ERO1A: variants seen among roughly 807,000 people sequenced by gnomAD.
ERO1A encodes the protein endoplasmic reticulum oxidoreductase 1 alpha.
ERO1A carries 49 observed loss-of-function variants against 76.9 expected under a neutral mutation model. That is an observed-to-expected ratio of 0.64 (90% CI 0.51 to 0.81). The LOEUF is 0.81. Ranked by LOEUF, ERO1A falls within the 30% of genes least tolerant of loss-of-function variation. The pLI is 0.00. For synonymous variants in ERO1A, 174 were observed against 181.2 expected (o/e 0.96, Z 0.32); for missense variants, 448 against 542.1 (o/e 0.83, Z 1.72).
rs11624705 is a variant in ERO1A, at chr14:52,668,529, G to C, written c.509-2034C>G. ...CATTGCACTCCAGCCTGGGCAACGA[G>C]AATGAAACTCTGCCTCGGAAAAAAA... On this transcript the variant is annotated intron_variant, in intron 6 of 15. Transcript: ENST00000395686. 6.6e-3 allele frequency among the ~76,000 whole-genome samples: 1,000 copies of C among 151,448 alleles called. 6 individuals carry two copies. Among genetic ancestry groups the C allele is most frequent in the Non-Finnish European group, 0.011 (751 of 67,876 alleles).
Position 52,643,243 on chromosome 14 carries a change from C to T in ERO1A, c.*327G>A, listed in dbSNP as rs528333407. 2.0e-4 allele frequency: 33 copies of T among 165,862 alleles called. 1 individual carries two copies. In the South Asian group the frequency reaches 6.5e-3, roughly 33 times the overall value. The allele number at this position is 165,862 out of a possible 1,614,324, so 10.3% of individuals were successfully genotyped here. ...ATTTACCATAGTTTTATTTATATTA[C>T]ATATTATTACATAAAACGCTAGTTT... On this transcript the variant is annotated 3_prime_UTR_variant, in exon 16 of 16. Transcript: ENST00000395686.
chr14:52,671,896 G>A (rs772870605), intron 4 of ERO1A, 25 bp from the exon 5 acceptor site: 140 of 1,390,928 alleles, frequency 1.0e-4, no homozygotes, highest in Non-Finnish European at 1.4e-4. Context: ...GGAATAAATA[G>A]ATAATAACTT....
At chr14:52,678,401 A>T in intron 4 of ERO1A, 33 bp downstream of exon 4, 1 of 1,592,634 alleles carries the variant, frequency 6.3e-7, no homozygotes, top group Non-Finnish European at 8.6e-7. Flanking sequence ...TTTCATTAAG[A>T]TACTGGACAC....
chr14:52,695,448 G>A lies in ERO1A; in HGVS notation c.34C>T (p.Leu12=). The change falls in exon 1 of 16, where the codon CTG becomes TTG. Residue 12 remains leucine (L), a synonymous_variant. Coordinates refer to ENST00000395686, the MANE Select transcript of ERO1A (RefSeq NM_014584.3). ...GRGWGFLFGL[L]GAVWLLSSGH... is the part of the protein sequence containing the mutation. ...GAGCTGAGCAGCCACACGGCGCCCA[G>A]GAGGCCAAACAAGAATCCCCAGCCG... is the stretch of plus-strand genomic sequence containing the variant. 4 of 1,549,022 alleles carry A rather than the reference G, an allele frequency of 2.6e-6. No homozygotes were observed. The highest frequency in any genetic ancestry group is 3.5e-6 in the Non-Finnish European group (4 of 1,147,542).
At chr14:52,681,744 T>C (rs1239827876) in intron 3 of ERO1A, among the ~76,000 whole-genome samples, 2 of 152,224 alleles carry the variant, frequency 1.3e-5, no homozygotes, top group South Asian at 2.1e-4. Context: ...AATTCCTAAG[T>C]AAAACCAGGT....
At chr14:52,647,579 G>C (rs1594818579) in intron 13 of ERO1A, among the ~76,000 whole-genome samples, 1 of 151,816 alleles carries the variant, frequency 6.6e-6, no homozygotes, top group Non-Finnish European at 1.5e-5. Context: ...TAATACATAT[G>C]TATACATCCA....
intron 4 of ERO1A, among the ~76,000 whole-genome samples, chr14:52,677,647 T>G (rs72684272): frequency 0.14 from 21,073 of 150,750 alleles, 1,647 homozygotes; most frequent in South Asian, 0.26. Context: ...GGAGGATCAC[T>G]TGGTCAGGAG....
intron 1 of ERO1A, among the ~76,000 whole-genome samples, chr14:52,688,064 T>C (rs577173361): frequency 1.3e-5 from 2 of 152,108 alleles, no homozygotes; most frequent in South Asian, 4.2e-4. Flanking sequence ...TGCACATCTG[T>C]AGTCCCAGCC....
intron 8 of ERO1A, among the ~76,000 whole-genome samples, chr14:52,662,626 C>A (rs1170270947): frequency 6.6e-6 from 1 of 152,170 alleles, no homozygotes. Flanking sequence ...ACAAACCATT[C>A]TTCATATTAC....
chr14:52,671,768 A>C lies in ERO1A; in HGVS notation c.434+27T>G, dbSNP rs751545470. ...TTAATATGTAACATAAAGAAACATG[A>C]AATACTGCTGAAAAATAAAATCAAA... is the stretch of plus-strand genomic sequence containing the variant. On this transcript the variant is annotated intron_variant, in intron 5 of 15. Transcript: ENST00000395686. 3 of 1,592,074 alleles carry C rather than the reference A, an allele frequency of 1.9e-6. No individual in the cohort carries two copies. In the Admixed American group the frequency reaches 5.2e-5, roughly 27 times the overall value.
chr14:52,682,632 C>T (rs2041035963), intron 2 of ERO1A, among the ~76,000 whole-genome samples: 1 of 152,200 alleles, frequency 6.6e-6, no homozygotes, highest in South Asian at 2.1e-4. Context: ...GGCACAGTGG[C>T]TTATGCCTGT....
chr14:52,673,010 T>C (rs148321565), intron 4 of ERO1A, among the ~76,000 whole-genome samples: 125 of 152,242 alleles, frequency 8.2e-4, no homozygotes, highest in African/African-American at 2.9e-3. Context: ...ATTTGGACTT[T>C]CCTCATTTAA....
intron 1 of ERO1A, among the ~76,000 whole-genome samples, chr14:52,695,117 C>T (rs2041505634): frequency 1.3e-5 from 2 of 152,248 alleles, no homozygotes; most frequent in South Asian, 4.1e-4. Flanking sequence ...TAAACCCACT[C>T]AACCGCGTGC....
chr14:52,686,350 T>C (rs527297513), intron 1 of ERO1A, among the ~76,000 whole-genome samples: 1 of 152,332 alleles, frequency 6.6e-6, no homozygotes, highest in East Asian at 1.9e-4. Context: ...GTGTGCTCAG[T>C]GCCCCAGAGT....
intron 1 of ERO1A, among the ~76,000 whole-genome samples, chr14:52,686,952 C>A (rs1032058493): frequency 3.3e-5 from 5 of 152,032 alleles, no homozygotes; most frequent in Non-Finnish European, 5.9e-5. Flanking sequence ...GGTAGCAGGG[C>A]TGCTAAGGGA....
At chr14:52,684,087 T>C (rs1243882248) in intron 1 of ERO1A, among the ~76,000 whole-genome samples, 180 bp from the exon 2 acceptor site, 2 of 150,930 alleles carry the variant, frequency 1.3e-5, no homozygotes, top group Non-Finnish European at 2.9e-5. Flanking sequence ...TCTTGCTATA[T>C]ACCGAGGAAT....
intron 1 of ERO1A, among the ~76,000 whole-genome samples, chr14:52,694,107 G>A (rs750786124): frequency 2.6e-5 from 4 of 151,668 alleles, no homozygotes; most frequent in Non-Finnish European, 4.4e-5. Flanking sequence ...ATGTTACATT[G>A]GACATCTTCT....
chr14:52,658,150 T>G lies in ERO1A; in HGVS notation c.689A>C (p.Glu230Ala). The stretch of plus-strand genomic sequence containing the variant: ...TTCTAGCCAACTGTAAAAAGTGTTC[T>G]CTGAAATCAAAAGAAAAATAAGTCA... ...PLASGQGTSE[E>A]NTFYSWLEGL... The change falls in exon 10 of 16, where the codon GAG becomes GCG. Residue 230 changes from glutamate (E) to alanine (A), a missense_variant and splice_region_variant. This residue lies in a region of ERO1A where 302 missense variants were observed against 411.9 expected (regional missense o/e 0.73). Coordinates refer to ENST00000395686, the MANE Select transcript of ERO1A (RefSeq NM_014584.3). The G allele has an allele frequency of 6.7e-7, 1 of 1,495,522 alleles. No homozygotes were observed. The highest frequency in any genetic ancestry group is 9.2e-7 in the Non-Finnish European group (1 of 1,091,120). 92.6% of individuals were successfully genotyped at this position (1,495,522 alleles called of 1,614,324 possible).
At chr14:52,659,266 T>C (rs916054385) in intron 9 of ERO1A, among the ~76,000 whole-genome samples, 1 of 152,096 alleles carries the variant, frequency 6.6e-6, no homozygotes, top group Admixed American at 6.5e-5. Context: ...CAGACAAAAA[T>C]TGTTTGGTCT....
Sources: gnomAD v4.1 joint callset for allele counts (sites outside exome capture counted in the v4.1 genomes callset) on GRCh38, gnomAD v4.1.1 for gene constraint, gnomAD v4.1.1 regional missense constraint, MANE v1.5 for transcripts, NCBI Gene and HGNC (gene_info 2026-07-23, HGNC 2026-07-21) for gene names.